APBB2: variants seen among roughly 807,000 people sequenced by gnomAD.
APBB2 encodes the protein Fe65-like 1.
In APBB2, 38 loss-of-function variants were observed where a neutral mutation model predicts 82.5. That is an observed-to-expected ratio of 0.46 (90% confidence interval 0.36 to 0.60). APBB2 has a LOEUF of 0.60. Among genes scored for constraint, APBB2 ranks in the 20% least tolerant of loss-of-function variants. The pLI, the probability that APBB2 is intolerant of heterozygous loss-of-function variation, is 0.00. For missense variants in APBB2, 772 were observed against 972.3 expected (o/e 0.79, Z 2.74); for synonymous variants, 341 against 368.2 (o/e 0.93, Z 0.85).
intron 2 of APBB2, among the ~76,000 whole-genome samples, chr4:41,141,002 G>A (rs751068215): frequency 2.0e-5 from 3 of 152,142 alleles, no homozygotes; most frequent in Non-Finnish European, 4.4e-5. Flanking sequence ...TAAATGTAAC[G>A]TGCTTAGATC....
At chr4:40,871,301 T>C (rs984004075) in intron 12 of APBB2, among the ~76,000 whole-genome samples, 9 of 152,160 alleles carry the variant, frequency 5.9e-5, no homozygotes, top group Non-Finnish European at 1.2e-4. Flanking sequence ...AGAGCCATCA[T>C]CCCCAGTTAG....
chr4:41,034,810 A>T (rs1439266272), intron 4 of APBB2, among the ~76,000 whole-genome samples: 1 of 152,274 alleles, frequency 6.6e-6, no homozygotes, highest in African/African-American at 2.4e-5. Flanking sequence ...ATCTAGAAAT[A>T]CTGGTAAGCT....
chr4:41,008,105 T>C (rs1396204142), intron 6 of APBB2, among the ~76,000 whole-genome samples: 1 of 152,222 alleles, frequency 6.6e-6, no homozygotes, highest in Non-Finnish European at 1.5e-5. Context: ...AAGATACTAC[T>C]ATATGCCTCC....
intron 6 of APBB2, among the ~76,000 whole-genome samples, chr4:40,990,914 AG>A (rs1385126463): frequency 6.6e-6 from 1 of 152,086 alleles, no homozygotes; most frequent in African/African-American, 2.4e-5. Flanking sequence ...TGGAGGAAAA[AG>A]AAAGGAAGGA....
chr4:40,864,511 G>A (rs1763579908), intron 12 of APBB2, among the ~76,000 whole-genome samples: 1 of 152,112 alleles, frequency 6.6e-6, no homozygotes, highest in Non-Finnish European at 1.5e-5. Flanking sequence ...CTGCCCAATG[G>A]CCTGGAGTCT....
In APBB2 at chr4:40,848,803, G is replaced by GGCT. The variant is rs906723520; in HGVS notation, c.1530-18229_1530-18227dup. On this transcript the variant is annotated intron_variant, in intron 12 of 17. Transcript: ENST00000508593. The stretch of plus-strand genomic sequence containing the variant: ...CCGCCCCTGCCTGGGCTTGCTGATC[G>GGCT]GCTGCTTGGTCTGCTTTTCCCCCAG... The GGCT allele has an allele frequency of 5.2e-6, 5 of 959,916 alleles. No individual in the cohort carries two copies. In the African/African-American group the frequency reaches 8.9e-5, roughly 17 times the overall value. 59.5% of individuals were successfully genotyped at this position (959,916 alleles called of 1,614,324 possible).
At chr4:41,064,320 C>T (rs1023442466) in intron 4 of APBB2, among the ~76,000 whole-genome samples, 2 of 152,136 alleles carry the variant, frequency 1.3e-5, no homozygotes, top group African/African-American at 4.8e-5. Context: ...GCTGGGATTA[C>T]AGGCATGAGC....
chr4:41,038,330 A>C (rs1403463299), intron 4 of APBB2, among the ~76,000 whole-genome samples: 1 of 152,250 alleles, frequency 6.6e-6, no homozygotes, highest in Non-Finnish European at 1.5e-5. Context: ...GATTTAAATA[A>C]AAATCAGACA....
intron 12 of APBB2, among the ~76,000 whole-genome samples, chr4:40,855,041 A>C (rs1010479335): frequency 2.0e-5 from 3 of 152,176 alleles, no homozygotes; most frequent in African/African-American, 7.2e-5. Flanking sequence ...TTAGTGCCCA[A>C]TGGCCCACTG....
chr4:41,058,387 G>T lies in APBB2; in HGVS notation c.-51+7189C>A, dbSNP rs527247049. 6.6e-5 allele frequency among the ~76,000 whole-genome samples: 10 copies of T among 152,058 alleles called. No homozygotes were observed. In the South Asian group the frequency reaches 2.1e-3, roughly 32 times the overall value. ...TTCAGTGAAAGATAAATACATAGAA[G>T]TAACCTTTCTTTACTAGTCTCAACA... On this transcript the variant is annotated intron_variant, in intron 4 of 17. Transcript: ENST00000508593.
intron 4 of APBB2, among the ~76,000 whole-genome samples, chr4:41,037,489 T>A (rs1213302844): frequency 6.6e-6 from 1 of 152,192 alleles, no homozygotes; most frequent in African/African-American, 2.4e-5. Context: ...AAAAGTTATT[T>A]AACTACATGA....
chr4:41,139,744 G>A (rs900122922), intron 2 of APBB2, among the ~76,000 whole-genome samples: 1 of 152,152 alleles, frequency 6.6e-6, no homozygotes, highest in Non-Finnish European at 1.5e-5. Flanking sequence ...GATAAGTAGT[G>A]GCCAGGGGTT....
chr4:40,901,836 G>C (rs1775374923), intron 10 of APBB2, among the ~76,000 whole-genome samples: 2 of 151,858 alleles, frequency 1.3e-5, no homozygotes, highest in Non-Finnish European at 2.9e-5. Context: ...ATTTTATTAA[G>C]GGTCCACGGA....
chr4:40,855,637 G>A (rs1760947039), intron 12 of APBB2, among the ~76,000 whole-genome samples: 1 of 152,136 alleles, frequency 6.6e-6, no homozygotes, highest in Admixed American at 6.5e-5. Flanking sequence ...TCAGGAGGCT[G>A]AGGCAGGAGA....
intron 10 of APBB2, among the ~76,000 whole-genome samples, chr4:40,905,303 T>C (rs7657024): frequency 0.15 from 22,527 of 151,994 alleles, 2,886 homozygotes; most frequent in African/African-American, 0.34. Context: ...ACTAACCCCA[T>C]CCCCTGCAGT....
At chr4:40,859,172 G>A (rs1762157266) in intron 12 of APBB2, among the ~76,000 whole-genome samples, 1 of 152,176 alleles carries the variant, frequency 6.6e-6, no homozygotes, top group Admixed American at 6.5e-5. Flanking sequence ...AGGAAGTCAT[G>A]TGTGACAAGT....
chr4:41,055,221 T>C (rs1047773179), intron 4 of APBB2, among the ~76,000 whole-genome samples: 6 of 152,194 alleles, frequency 3.9e-5, no homozygotes, highest in South Asian at 4.1e-4. Flanking sequence ...AGGGACACCT[T>C]CCCTGGTCAC....
At chr4:41,061,738 A>G (rs563960141) in intron 4 of APBB2, among the ~76,000 whole-genome samples, 29 of 152,362 alleles carry the variant, frequency 1.9e-4, no homozygotes, top group Middle Eastern at 3.4e-3. Flanking sequence ...TTCGTGCTCA[A>G]TGGATGCCAT....
intron 3 of APBB2, among the ~76,000 whole-genome samples, chr4:41,090,213 G>C (rs1214222489): frequency 3.3e-5 from 5 of 151,866 alleles, no homozygotes; most frequent in Non-Finnish European, 5.9e-5. Context: ...TTTCTTCTAA[G>C]AAGTTATATT....
Sources: gnomAD v4.1 joint callset for allele counts (sites outside exome capture counted in the v4.1 genomes callset) on GRCh38, gnomAD v4.1.1 for gene constraint, MANE v1.5 for transcripts, NCBI Gene and HGNC (gene_info 2026-07-23, HGNC 2026-07-21) for gene names.